TBX19: variants seen among roughly 807,000 people sequenced by gnomAD.
TBX19 encodes T-box transcription factor 19, also known as T-box transcription factor TBX19.
In TBX19, 33 loss-of-function variants were observed where a neutral mutation model predicts 40.9. The observed-to-expected ratio is 0.81, with a 90% confidence interval of 0.61 to 1.08. The LOEUF (loss-of-function observed/expected upper bound fraction) is 1.08. Ranked by LOEUF, TBX19 falls within the 50% of genes least tolerant of loss-of-function variation. The pLI is 0.00. For missense variants in TBX19, 494 were observed against 574.0 expected, an observed-to-expected ratio of 0.86 and a Z score of 1.42; for synonymous variants, 220 against 225.0, an observed-to-expected ratio of 0.98 and a Z score of 0.20.
chr1:168,297,104 A>G (rs1437019336), intron 3 of TBX19, among the ~76,000 whole-genome samples: 2 of 146,468 alleles, frequency 1.4e-5, no homozygotes, highest in Non-Finnish European at 2.9e-5. Flanking sequence ...CACGATCACT[A>G]TCTATCTATA....
chr1:168,290,878 G>A (rs1049191328), intron 1 of TBX19, among the ~76,000 whole-genome samples: 1 of 152,212 alleles, frequency 6.6e-6, no homozygotes, highest in African/African-American at 2.4e-5. Context: ...CTGTGGGGAT[G>A]TGGCATTTGA....
rs1363572093 is a variant in TBX19 at position 168,297,739 on chromosome 1, A to G, written c.619A>G (p.Ile207Val). ...YQNEEITALK[I>V]KYNPFAKAFL... ...TAAATGCAAGATAACGGCTCTCAAA[A>G]TCAAGTACAATCCTTTTGCCAAAGC... Residue 207 changes from isoleucine to valine, a missense_variant, in exon 4 of 8, where the codon ATC becomes GTC. Around this residue, in one of 3 missense-constraint regions of TBX19, gnomAD observed 9 missense variants for 31.5 expected, o/e 0.29. Coordinates refer to ENST00000367821, the MANE Select transcript of TBX19 (RefSeq NM_005149.3). 6.2e-7 allele frequency: 1 copy of G among 1,614,100 alleles called. No individual in the cohort carries two copies. Among genetic ancestry groups the G allele is most frequent in the African/African-American group, 1.3e-5 (1 of 74,942 alleles).
chr1:168,300,515 G>A (rs570722002), intron 5 of TBX19, 32 bp downstream of exon 5: 57 of 1,606,598 alleles, frequency 3.5e-5, no homozygotes, highest in East Asian at 2.0e-4. Context: ...CGGGAGGTGC[G>A]TGGGGCTGTA....
intron 5 of TBX19, among the ~76,000 whole-genome samples, chr1:168,304,728 A>G (rs10918867): frequency 0.68 from 104,087 of 152,160 alleles, 35,886 homozygotes; most frequent in Non-Finnish European, 0.73. Context: ...GAGATTGGGT[A>G]GATCAGAAGT....
intron 6 of TBX19, among the ~76,000 whole-genome samples, chr1:168,307,749 A>G (rs1255433669): frequency 6.6e-6 from 1 of 152,000 alleles, no homozygotes; most frequent in African/African-American, 2.4e-5. Flanking sequence ...CCCCATAAAA[A>G]CTGTATATAT....
chr1:168,298,877 TTCTTTCTTTCTTTCTTTCTTTCTC>T lies in TBX19; in HGVS notation c.665+1096_665+1119del, dbSNP rs1238706490. Among the ~76,000 whole-genome samples, 31 of 123,318 alleles carry T rather than the reference TTCTTTCTTTCTTTCTTTCTTTCTC, an allele frequency of 2.5e-4. 1 individual carries two copies. Among genetic ancestry groups the T allele is most frequent in the Admixed American group, 7.3e-4 (9 of 12,280 alleles). The allele number at this position is 123,318 out of a possible 152,430, so 80.9% of individuals were successfully genotyped here. ...TTTCTTTCTTTCTTTCTTTCTTTCT[TTCTTTCTTTCTTTCTTTCTTTCTC>T]TCTCTCTCTCTTTCTTTCATTCTTC... On this transcript the variant is annotated intron_variant, in intron 4 of 7. Coordinates refer to ENST00000367821, the MANE Select transcript of TBX19 (RefSeq NM_005149.3).
At chr1:168,285,539 C>G (rs1648783781) in intron 1 of TBX19, among the ~76,000 whole-genome samples, 2 of 152,222 alleles carry the variant, frequency 1.3e-5, no homozygotes, top group Non-Finnish European at 2.9e-5. Context: ...GAAAGCTGGT[C>G]TCATAATAAA....
intron 4 of TBX19, among the ~76,000 whole-genome samples, chr1:168,298,891 CTTTCTT>C (rs1461629163): frequency 8.7e-6 from 1 of 115,400 alleles, no homozygotes; most frequent in African/African-American, 4.1e-5. Flanking sequence ...TTCTTTCTTT[CTTTCTT>C]TCTCTCTCTC....
intron 5 of TBX19, among the ~76,000 whole-genome samples, chr1:168,300,878 A>C (rs1649260809): frequency 6.6e-6 from 1 of 152,146 alleles, no homozygotes; most frequent in Non-Finnish European, 1.5e-5. Flanking sequence ...TGGTTCCCAT[A>C]GCAATGTGTC....
intron 1 of TBX19, among the ~76,000 whole-genome samples, chr1:168,285,135 A>G (rs1420409331): frequency 6.6e-6 from 1 of 152,126 alleles, no homozygotes; most frequent in Non-Finnish European, 1.5e-5. Context: ...GCCTTTAACC[A>G]GGCCACCTTG....
intron 1 of TBX19, among the ~76,000 whole-genome samples, chr1:168,283,081 G>A (rs148527678): frequency 2.0e-5 from 3 of 152,312 alleles, no homozygotes; most frequent in Non-Finnish European, 4.4e-5. Flanking sequence ...GTGGTGGTGT[G>A]CTCCTGTTGT....
chr1:168,304,020 G>C (rs1286087210), intron 5 of TBX19, among the ~76,000 whole-genome samples: 1 of 152,058 alleles, frequency 6.6e-6, no homozygotes, highest in Non-Finnish European at 1.5e-5. Context: ...CTTATCCTGT[G>C]ACTAAGAATT....
chr1:168,281,316 G>T (rs376633040), intron 1 of TBX19, 23 bp downstream of exon 1: 2 of 1,612,654 alleles, frequency 1.2e-6, no homozygotes, highest in Admixed American at 1.7e-5. Context: ...GCCGCCCCGC[G>T]TGGGCTGGCA....
chr1:168,293,200 A>C lies in TBX19; in HGVS notation c.525A>C (p.Gly175=), dbSNP rs746963342. Residue 175 remains glycine, a synonymous_variant, in exon 3 of 8, where the codon GGA becomes GGC. Transcript: ENST00000367821. ...CCCAGGTTCACATAGTGCGTGTTGG[A>C]AGTGCCCATCGAATGGTAACAAACT... ...YEPQVHIVRV[G]SAHRMVTNCS... 1 of 1,613,828 alleles carries C rather than the reference A, an allele frequency of 6.2e-7. No individual in the cohort carries two copies. The highest frequency in any genetic ancestry group is 8.5e-7 in the Non-Finnish European group (1 of 1,179,910).
At position 168,293,183 on chromosome 1, in the gene TBX19, C is replaced by T. The variant is rs1648990425; in HGVS notation, c.508C>T (p.His170Tyr). The T allele has an allele frequency of 6.2e-7, 1 of 1,613,902 alleles. No individual in the cohort carries two copies. The highest frequency in any genetic ancestry group is 8.5e-7 in the Non-Finnish European group (1 of 1,179,990). ...NSLHKYEPQV[H>Y]IVRVGSAHRM... Reference sequence around the variant, plus strand: ...TCTGCATAAATATGAACCCCAGGTTCACATAGTGCGTGTTGGAAGTGCCCA... The same window carrying T: ...TCTGCATAAATATGAACCCCAGGTTTACATAGTGCGTGTTGGAAGTGCCCA... Residue 170 changes from histidine (H) to tyrosine (Y), a missense_variant, in exon 3 of 8, where the codon CAC (histidine) becomes TAC (tyrosine). Around this residue, in one of 3 missense-constraint regions of TBX19, gnomAD observed 201 missense variants for 235.2 expected, o/e 0.85. Transcript: ENST00000367821.
At chr1:168,289,185 G>A (rs1401041785) in intron 1 of TBX19, among the ~76,000 whole-genome samples, 1 of 152,140 alleles carries the variant, frequency 6.6e-6, no homozygotes, top group Non-Finnish European at 1.5e-5. Context: ...ATGATCCCTA[G>A]AATCATTTCT....
Position 168,297,361 on chromosome 1 carries a change from G to A in TBX19, c.604-363G>A, listed in dbSNP as rs59233353. Among the ~76,000 whole-genome samples, 526 of 152,326 alleles carry A rather than the reference G, an allele frequency of 3.5e-3. 5 individuals are homozygous for A. Among genetic ancestry groups the A allele is most frequent in the African/African-American group, 0.012 (503 of 41,556 alleles). The stretch of plus-strand genomic sequence containing the variant: ...CACATGTAGTAGGGGATCAAGGATT[G>A]TTGAAAAAAATAAATACATGAGTAA... On this transcript the variant is annotated intron_variant, in intron 3 of 7. Transcript: ENST00000367821.
chr1:168,284,163 C>A (rs961224458), intron 1 of TBX19, among the ~76,000 whole-genome samples: 2 of 151,932 alleles, frequency 1.3e-5, no homozygotes, highest in Non-Finnish European at 2.9e-5. Flanking sequence ...TCCCTTTCAG[C>A]CTTTTCTTCC....
chr1:168,289,031 C>T (rs1648873685), intron 1 of TBX19, among the ~76,000 whole-genome samples: 1 of 152,192 alleles, frequency 6.6e-6, no homozygotes, highest in Non-Finnish European at 1.5e-5. Context: ...CAATTATACA[C>T]ATGCCACTCT....
Sources: gnomAD v4.1 joint callset for allele counts (sites outside exome capture counted in the v4.1 genomes callset) on GRCh38, gnomAD v4.1.1 for gene constraint, gnomAD v4.1.1 regional missense constraint, MANE v1.5 for transcripts, NCBI Gene and HGNC (gene_info 2026-07-23, HGNC 2026-07-21) for gene names.